SIPA1L2: variants seen among roughly 807,000 people sequenced by gnomAD.
The protein encoded by SIPA1L2 is signal induced proliferation associated 1 like 2, also known as signal-induced proliferation-associated 1-like protein 2.
In SIPA1L2, 56 loss-of-function variants were observed where a neutral mutation model predicts 163.9. That is an observed-to-expected ratio of 0.34 (90% CI 0.28 to 0.43). The LOEUF is 0.43. Among genes scored for constraint, SIPA1L2 ranks in the 20% least tolerant of loss-of-function variants. The probability of loss-of-function intolerance (pLI) is 1.00; values close to 1 mark genes in which losing one functional copy is unlikely to be tolerated. For missense variants in SIPA1L2, 1,974 were observed against 2,193.5 expected (o/e 0.90, Z 2.00); for synonymous variants, 877 against 865.7 (o/e 1.01, Z -0.23).
intron 1 of SIPA1L2, among the ~76,000 whole-genome samples, chr1:232,592,751 A>G (rs2102831542): frequency 6.6e-6 from 1 of 152,210 alleles, no homozygotes; most frequent in Non-Finnish European, 1.5e-5. Flanking sequence ...ATTTAATATA[A>G]AATTAAAATG....
At chr1:232,586,826 A>G (rs949253607) in intron 1 of SIPA1L2, among the ~76,000 whole-genome samples, 1 of 152,216 alleles carries the variant, frequency 6.6e-6, no homozygotes, top group African/African-American at 2.4e-5. Context: ...CAATTACATA[A>G]CCAATGTGAT....
chr1:232,467,792 T>C (rs188544262), intron 8 of SIPA1L2, among the ~76,000 whole-genome samples: 98 of 152,280 alleles, frequency 6.4e-4, no homozygotes, highest in Non-Finnish European at 1.0e-4. Context: ...CATGCTACCC[T>C]CTGAGTGCAG....
At chr1:232,482,456 GAA>G (rs1665410992) in intron 6 of SIPA1L2, among the ~76,000 whole-genome samples, 2 of 149,760 alleles carry the variant, frequency 1.3e-5, no homozygotes, top group Admixed American at 1.3e-4. Flanking sequence ...AAAAAAAAAA[GAA>G]AATCAGAAAA....
At chr1:232,400,273 T>G (rs1660257756) in intron 22 of SIPA1L2, among the ~76,000 whole-genome samples, 1 of 152,120 alleles carries the variant, frequency 6.6e-6, no homozygotes, top group Non-Finnish European at 1.5e-5. Flanking sequence ...CGACTCTCAG[T>G]CCCAAGACAG....
At chr1:232,556,171 CCTTT>C (rs1428972901) in intron 2 of SIPA1L2, among the ~76,000 whole-genome samples, 2 of 152,200 alleles carry the variant, frequency 1.3e-5, no homozygotes, top group African/African-American at 4.8e-5. Flanking sequence ...TAAAAGCTTA[CCTTT>C]CTGTCTGTTA....
At chr1:232,418,134 A>G (rs1424000697) in intron 18 of SIPA1L2, among the ~76,000 whole-genome samples, 2 of 152,202 alleles carry the variant, frequency 1.3e-5, no homozygotes, top group Non-Finnish European at 2.9e-5. Flanking sequence ...CAAGCCTAAC[A>G]CACATTCTAT....
chr1:232,441,939 T>G, intron 12 of SIPA1L2, 71 bp from the exon 13 acceptor site: 1 of 1,346,642 alleles, frequency 7.4e-7, no homozygotes, highest in South Asian at 1.3e-5. Context: ...ACGGGAGTGC[T>G]GGCTTCCAAG....
intron 18 of SIPA1L2, among the ~76,000 whole-genome samples, chr1:232,418,031 G>A (rs1107779): frequency 0.047 from 7,224 of 152,250 alleles, 254 homozygotes; most frequent in Admixed American, 0.12. Context: ...TGTTCATCAT[G>A]TTTTACTAAG....
chr1:232,427,226 A>T (rs1225769728), intron 17 of SIPA1L2, among the ~76,000 whole-genome samples: 1 of 152,236 alleles, frequency 6.6e-6, no homozygotes, highest in Non-Finnish European at 1.5e-5. Context: ...TAAGTTTTTT[A>T]AAAAAGACTC....
At chr1:232,417,020 T>TGCTTGTGAACA (rs1426375736) in intron 18 of SIPA1L2, among the ~76,000 whole-genome samples, 46 of 152,358 alleles carry the variant, frequency 3.0e-4, no homozygotes, top group African/African-American at 1.1e-3. Flanking sequence ...TGCATGCAGC[T>TGCTTGTGAACA]GCTTGTGAAC....
chr1:232,521,013 T>A (rs371817476), intron 2 of SIPA1L2, among the ~76,000 whole-genome samples: 1 of 152,196 alleles, frequency 6.6e-6, no homozygotes, highest in East Asian at 1.9e-4. Context: ...TGGTAATAAA[T>A]TGATATACAA....
intron 6 of SIPA1L2, 23 bp downstream of exon 6, chr1:232,483,769 A>C (rs754025704): frequency 1.1e-5 from 17 of 1,612,578 alleles, no homozygotes; most frequent in Admixed American, 8.4e-5. Context: ...AAAAATGTGC[A>C]CACACACAAA....
intron 1 of SIPA1L2, among the ~76,000 whole-genome samples, chr1:232,593,221 TC>T (rs1457549005): frequency 6.6e-6 from 1 of 152,194 alleles, no homozygotes; most frequent in African/African-American, 2.4e-5. Flanking sequence ...AATATTCAAC[TC>T]TCTCATAGAG....
intron 2 of SIPA1L2, among the ~76,000 whole-genome samples, chr1:232,555,347 C>A (rs947272505): frequency 1.3e-5 from 2 of 152,172 alleles, no homozygotes; most frequent in Non-Finnish European, 2.9e-5. Context: ...CTTTGCCCCC[C>A]TAAAGCCAAC....
chr1:232,455,662 C>T (rs1663861721), intron 10 of SIPA1L2, among the ~76,000 whole-genome samples: 1 of 146,934 alleles, frequency 6.8e-6, no homozygotes, highest in South Asian at 2.2e-4. Context: ...TTGCAGTGAG[C>T]CGAGATCGCG....
Position 232,465,529 on chromosome 1 carries a change from CACACATATACAT to C in SIPA1L2, c.2244-125_2244-114del. 1.2e-6 allele frequency: 1 copy of C among 848,848 alleles called. No individual in the cohort carries two copies. Among genetic ancestry groups the C allele is most frequent in the Non-Finnish European group, 1.8e-6 (1 of 548,658 alleles). 52.6% of individuals were successfully genotyped at this position (848,848 alleles called of 1,614,324 possible). The stretch of plus-strand genomic sequence containing the variant: ...ACACACATATACATACACACACACA[CACACATATACAT>C]ACACACATACACACACACTTTCAAC... On this transcript the variant is annotated intron_variant, in intron 8 of 22. Coordinates refer to ENST00000674635, the MANE Select transcript of SIPA1L2 (RefSeq NM_020808.5). The surrounding 1 kb of genome is among the most constrained non-coding windows in gnomAD (Gnocchi z 4.1).
At chr1:232,461,688 A>G (rs1379686661) in intron 9 of SIPA1L2, among the ~76,000 whole-genome samples, 1 of 152,222 alleles carries the variant, frequency 6.6e-6, no homozygotes, top group East Asian at 1.9e-4. Context: ...AAACACCCCA[A>G]AGCACTTGAA....
chr1:232,423,118 A>C (rs779317653), intron 18 of SIPA1L2, among the ~76,000 whole-genome samples: 12 of 152,310 alleles, frequency 7.9e-5, no homozygotes, highest in Non-Finnish European at 1.5e-4. Context: ...TCCATGGGTA[A>C]ATAACTGATA....
intron 2 of SIPA1L2, among the ~76,000 whole-genome samples, chr1:232,555,294 T>C (rs1658637526): frequency 2.0e-5 from 3 of 152,218 alleles, no homozygotes; most frequent in African/African-American, 7.2e-5. Flanking sequence ...GAGCAGGTAT[T>C]TGTGGAGCCA....
Sources: allele counts gnomAD v4.1 joint callset (sites outside exome capture counted in the v4.1 genomes callset), GRCh38; gene constraint gnomAD v4.1.1; non-coding constraint Gnocchi (gnomAD v3.1); transcripts MANE v1.5; gene names NCBI Gene and HGNC (gene_info 2026-07-23, HGNC 2026-07-21).